The following SNX10 variants were observed in gnomAD, a reference collection of about 807,000 sequenced individuals.
SNX10 encodes sorting nexin 10, also known as sorting nexin-10.
Under a neutral mutation model 28.5 loss-of-function variants are expected in SNX10, and 25 were observed. The observed-to-expected ratio is 0.88, with a 90% confidence interval of 0.64 to 1.22. The LOEUF is 1.22. Among genes scored for constraint, SNX10 ranks in the 50% most tolerant of loss-of-function variants. The probability of loss-of-function intolerance (pLI) is 0.00; values close to 1 mark genes in which losing one functional copy is unlikely to be tolerated. For missense variants in SNX10, 223 were observed against 242.6 expected (o/e 0.92, Z 0.54); for synonymous variants, 62 against 81.4 (o/e 0.76, Z 1.28).
At chr7:26,310,683 ATT>A (rs5883024) in intron 1 of SNX10, among the ~76,000 whole-genome samples, 166 of 140,254 alleles carry the variant, frequency 1.2e-3, no homozygotes, top group Middle Eastern at 7.2e-3. Context: ...GCGAGGAACA[ATT>A]TTTTTTTTTT....
At chr7:26,355,493 T>G (rs1788784828) in intron 2 of SNX10, among the ~76,000 whole-genome samples, 1 of 152,224 alleles carries the variant, frequency 6.6e-6, no homozygotes, top group Non-Finnish European at 1.5e-5. Context: ...CAATAGCATC[T>G]TAGATTTTCA....
intron 5 of SNX10, among the ~76,000 whole-genome samples, chr7:26,371,359 A>G (rs927121343): frequency 2.0e-5 from 3 of 152,162 alleles, no homozygotes; most frequent in Non-Finnish European, 4.4e-5. Context: ...AAAATGTAAA[A>G]TATGCTGAGA....
rs1218073593 is a variant in SNX10, at chr7:26,346,334, G to T, written c.-23-86G>T. ...CTGTGGGGCGGGGGGGGCTCTGTCA[G>T]GGGATTTGGGTGGGAGGCCATGAGT... is the stretch of plus-strand genomic sequence containing the variant. On this transcript the variant is annotated intron_variant, in intron 1 of 6. Coordinates refer to ENST00000338523, the MANE Select transcript of SNX10 (RefSeq NM_013322.3). 6.0e-6 allele frequency: 5 copies of T among 838,556 alleles called. No individual in the cohort carries two copies. The African/African-American group carries it at 8.3e-5, about 14-fold the overall frequency. 51.9% of individuals were successfully genotyped at this position (838,556 alleles called of 1,614,324 possible).
rs146349504 is a variant in SNX10, at chr7:26,344,059, G to A, written c.-23-2361G>A. Among the ~76,000 whole-genome samples the A allele has an allele frequency of 3.6e-3, 547 of 151,948 alleles. 1 individual carries two copies. Among genetic ancestry groups the A allele is most frequent in the African/African-American group, 0.013 (526 of 41,422 alleles). On this transcript the variant is annotated intron_variant, in intron 1 of 6. Coordinates refer to ENST00000338523, the MANE Select transcript of SNX10 (RefSeq NM_013322.3). Reference sequence around the variant, plus strand: ...TGAAGGATGTTCACATTGTTGTGCCGTTGATCTCCTGAACTCTTTTCATCT... The same window carrying A: ...TGAAGGATGTTCACATTGTTGTGCCATTGATCTCCTGAACTCTTTTCATCT...
At chr7:26,360,585 G>A (rs1360052804) in intron 2 of SNX10, 1 of 196,470 alleles carries the variant, frequency 5.1e-6, no homozygotes, top group Non-Finnish European at 1.0e-5. Context: ...TTACCCAGAA[G>A]GGCCCATTGT....
chr7:26,307,841 A>G (rs1786658942), intron 1 of SNX10, among the ~76,000 whole-genome samples: 3 of 152,122 alleles, frequency 2.0e-5, no homozygotes. Flanking sequence ...GCACTGATAC[A>G]TTATCATCAC....
chr7:26,328,036 T>C (rs1246336145), intron 1 of SNX10, among the ~76,000 whole-genome samples: 1 of 152,114 alleles, frequency 6.6e-6, no homozygotes, highest in Admixed American at 6.6e-5. Flanking sequence ...CACATTCTTT[T>C]TCTTGTTTAT....
Position 26,371,581 on chromosome 7 carries a change from T to C in SNX10, c.312-240T>C, listed in dbSNP as rs554710317. Among the ~76,000 whole-genome samples, 5 of 152,312 alleles carry C rather than the reference T, an allele frequency of 3.3e-5. No individual in the cohort carries two copies. The East Asian group carries it at 9.6e-4, about 29-fold the overall frequency. On this transcript the variant is annotated intron_variant, in intron 5 of 6. Transcript: ENST00000338523. The stretch of plus-strand genomic sequence containing the variant: ...AATTGAAGAAATGTCCTTGAAGTTA[T>C]TCTTTTAACAGATGTTCTTAACTAT...
rs1378398256 is a variant in SNX10, at chr7:26,374,140, A to C, written c.*1568A>C. 6.6e-6 allele frequency: 1 copy of C among 152,082 alleles called. No individual in the cohort carries two copies. Among genetic ancestry groups the C allele is most frequent in the East Asian group, 1.9e-4 (1 of 5,196 alleles). The allele number at this position is 152,082 out of a possible 1,614,324, so 9.4% of individuals were successfully genotyped here. On this transcript the variant is annotated 3_prime_UTR_variant, in exon 7 of 7. Coordinates refer to ENST00000338523, the MANE Select transcript of SNX10 (RefSeq NM_013322.3). ...ATTTAAGAGCGATCCTCATCCCTTC[A>C]GCAATATGTATTTGAGTTCACACTA... is the stretch of plus-strand genomic sequence containing the variant.
intron 1 of SNX10, among the ~76,000 whole-genome samples, chr7:26,328,538 G>A (rs1787595751): frequency 6.6e-6 from 1 of 152,186 alleles, no homozygotes; most frequent in South Asian, 2.1e-4. Context: ...CAGAGAATGA[G>A]TGTAGAGTGG....
chr7:26,365,979 C>T lies in SNX10; in HGVS notation c.311+834C>T, dbSNP rs566280514. 2.7e-3 allele frequency among the ~76,000 whole-genome samples: 407 copies of T among 152,290 alleles called. 2 individuals are homozygous for T. Among genetic ancestry groups the T allele is most frequent in the Admixed American group, 5.3e-3 (81 of 15,296 alleles). ...GACAAGTTAGTGACTGTAAAGCACTCATGACAGTGTCTGGCATGCAGTGTG... is the reference window on the plus strand; with the variant it reads ...GACAAGTTAGTGACTGTAAAGCACTTATGACAGTGTCTGGCATGCAGTGTG... On this transcript the variant is annotated intron_variant, in intron 5 of 6. Coordinates refer to ENST00000338523, the MANE Select transcript of SNX10 (RefSeq NM_013322.3).
intron 1 of SNX10, among the ~76,000 whole-genome samples, chr7:26,338,286 T>C (rs1420039684): frequency 2.0e-5 from 3 of 151,878 alleles, no homozygotes; most frequent in Non-Finnish European, 4.4e-5. Context: ...CTGGCTAATT[T>C]TTGTGTATTT....
Position 26,323,925 on chromosome 7 carries a change from G to A in SNX10, c.-23-22495G>A, listed in dbSNP as rs149916553. On this transcript the variant is annotated intron_variant, in intron 1 of 6. Coordinates refer to ENST00000338523, the MANE Select transcript of SNX10 (RefSeq NM_013322.3). ...TGCTCCGTAAATAAGGGCTGAATGA[G>A]GGAATCCAGTTGGTTTAGAATGCAA... Among the ~76,000 whole-genome samples, 454 of 152,300 alleles carry A rather than the reference G, an allele frequency of 3.0e-3. 4 individuals are homozygous for A. Among genetic ancestry groups the A allele is most frequent in the African/African-American group, 0.011 (440 of 41,564 alleles).
chr7:26,305,597 AT>A (rs1786557394), intron 1 of SNX10, among the ~76,000 whole-genome samples: 2 of 152,192 alleles, frequency 1.3e-5, no homozygotes, highest in South Asian at 4.1e-4. Context: ...TCTGCAGATG[AT>A]CAGACCCTGA....
chr7:26,314,082 G>C (rs1786961566), intron 1 of SNX10, among the ~76,000 whole-genome samples: 1 of 152,152 alleles, frequency 6.6e-6, no homozygotes. Context: ...AAAGTGCTGG[G>C]ATTACAGGTG....
intron 2 of SNX10, among the ~76,000 whole-genome samples, chr7:26,353,465 G>GGGT (rs1554359938): frequency 2.8e-5 from 4 of 141,460 alleles, no homozygotes; most frequent in Non-Finnish European, 3.1e-5. Flanking sequence ...TTTTTTGGTG[G>GGGT]GGAGACAGAG....
intron 1 of SNX10, among the ~76,000 whole-genome samples, chr7:26,314,208 A>G (rs1029112573): frequency 1.3e-5 from 2 of 152,142 alleles, no homozygotes; most frequent in African/African-American, 2.4e-5. Flanking sequence ...TTGTCTGTCA[A>G]TATATTTTCA....
At chr7:26,321,126 G>A (rs540598012) in intron 1 of SNX10, among the ~76,000 whole-genome samples, 4 of 152,204 alleles carry the variant, frequency 2.6e-5, no homozygotes, top group Non-Finnish European at 5.9e-5. Flanking sequence ...GTGAAAGTGT[G>A]AACATTGGCC....
intron 1 of SNX10, among the ~76,000 whole-genome samples, chr7:26,314,467 T>C (rs1217524702): frequency 1.3e-5 from 2 of 152,196 alleles, no homozygotes; most frequent in African/African-American, 4.8e-5. Context: ...TTAGCCAGAC[T>C]GGCAATATTT....
Sources: gnomAD v4.1 joint callset for allele counts (sites outside exome capture counted in the v4.1 genomes callset) on GRCh38, gnomAD v4.1.1 for gene constraint, MANE v1.5 for transcripts, NCBI Gene and HGNC (gene_info 2026-07-23, HGNC 2026-07-21) for gene names.